Variants in PIWIL3 observed in about 807,000 individuals in gnomAD.
The protein encoded by PIWIL3 is piwi like RNA-mediated gene silencing 3, also known as piwi-like protein 3.
In PIWIL3, 101 loss-of-function variants were observed where a neutral mutation model predicts 109.7. The observed-to-expected ratio is 0.92, with a 90% CI of 0.78 to 1.09. The LOEUF is 1.09. Among genes scored for constraint, PIWIL3 ranks in the 50% least tolerant of loss-of-function variants. The pLI is 0.00. For missense variants in PIWIL3, 1,031 were observed against 1,072.6 expected (o/e 0.96, Z 0.54); for synonymous variants, 373 against 376.4 (o/e 0.99, Z 0.10).
At chr22:24,754,498 T>A (rs1924901445) in intron 7 of PIWIL3, among the ~76,000 whole-genome samples, 2 of 152,250 alleles carry the variant, frequency 1.3e-5, no homozygotes, top group African/African-American at 2.4e-5. Context: ...ATAGTTGCTA[T>A]GATTGAAGAT....
chr22:24,755,849 C>T lies in PIWIL3; in HGVS notation c.627G>A (p.Glu209=), dbSNP rs1421041927. The T allele has an allele frequency of 6.2e-7, 1 of 1,613,936 alleles. No homozygotes were observed. Among genetic ancestry groups the T allele is most frequent in the Non-Finnish European group, 8.5e-7 (1 of 1,179,926 alleles). The change falls in exon 6 of 21, where the codon GAG becomes GAA. Residue 209 remains glutamate, a synonymous_variant. Transcript: ENST00000616349. ...ACGTGGGCGTGAGTTCTTTGGAAAA[C>T]TCAACTGTAATCTTCACGATGTTTT... ...KDKNIVKITV[E]FSKELTPTSP... is the part of the protein sequence containing the mutation.
intron 14 of PIWIL3, among the ~76,000 whole-genome samples, chr22:24,731,081 G>A (rs899338983): frequency 7.9e-5 from 12 of 152,194 alleles, no homozygotes; most frequent in African/African-American, 2.9e-4. Flanking sequence ...GTTTTGCCTA[G>A]GCCTTTCCTG....
At chr22:24,729,924 C>T (rs1234920252) in intron 14 of PIWIL3, among the ~76,000 whole-genome samples, 1 of 146,380 alleles carries the variant, frequency 6.8e-6, no homozygotes, top group Non-Finnish European at 1.5e-5. Flanking sequence ...CTGATGGATT[C>T]TACTTTTTCT....
At chr22:24,770,487 T>C (rs1020386767) in intron 1 of PIWIL3, among the ~76,000 whole-genome samples, 1 of 152,052 alleles carries the variant, frequency 6.6e-6, no homozygotes, top group African/African-American at 2.4e-5. Flanking sequence ...CTTATCTAAT[T>C]ATGTGCCTTT....
chr22:24,754,937 GA>G (rs372090849), intron 6 of PIWIL3, 73 bp from the exon 7 acceptor site: 65 of 1,288,594 alleles, frequency 5.0e-5, no homozygotes, highest in Middle Eastern at 1.9e-4. Context: ...ACACATAAGG[GA>G]AAAAAAATCT....
intron 12 of PIWIL3, among the ~76,000 whole-genome samples, chr22:24,745,035 C>G (rs1294223957): frequency 6.6e-6 from 1 of 152,150 alleles, no homozygotes; most frequent in Non-Finnish European, 1.5e-5. Context: ...CTTCTCTGAT[C>G]ACATGAAACA....
chr22:24,732,361 C>A (rs563830530), intron 14 of PIWIL3, among the ~76,000 whole-genome samples: 17 of 152,282 alleles, frequency 1.1e-4, no homozygotes, highest in African/African-American at 4.1e-4. Context: ...AGATTGTGGA[C>A]ACGCTTCCCC....
At chr22:24,732,154 C>A (rs1601827592) in intron 14 of PIWIL3, among the ~76,000 whole-genome samples, 1 of 152,314 alleles carries the variant, frequency 6.6e-6, no homozygotes, top group East Asian at 1.9e-4. Flanking sequence ...GGCCTGCTAT[C>A]TTTTTATTAC....
At chr22:24,733,915 A>G (rs1923498914) in intron 14 of PIWIL3, among the ~76,000 whole-genome samples, 169 bp downstream of exon 14, 1 of 152,236 alleles carries the variant, frequency 6.6e-6, no homozygotes, top group South Asian at 2.1e-4. Context: ...CGATTGTGAT[A>G]CTCAGGAATA....
intron 12 of PIWIL3, among the ~76,000 whole-genome samples, chr22:24,738,374 T>C (rs1238738407): frequency 1.3e-5 from 2 of 152,270 alleles, no homozygotes; most frequent in African/African-American, 4.8e-5. Context: ...TACCACTTGA[T>C]TGCAGAGCCC....
chr22:24,726,306 G>A (rs1332440118), intron 16 of PIWIL3, among the ~76,000 whole-genome samples: 5 of 148,488 alleles, frequency 3.4e-5, no homozygotes, highest in East Asian at 2.0e-4. Context: ...TTTTTGAAAC[G>A]GAGTCTCGCT....
At chr22:24,733,859 A>C (rs6004252) in intron 14 of PIWIL3, among the ~76,000 whole-genome samples, 6,913 of 152,264 alleles carry the variant, frequency 0.045, 224 homozygotes, top group Middle Eastern at 0.1. Flanking sequence ...AAGTTAGGAG[A>C]TTTTAAAAGT....
intron 1 of PIWIL3, among the ~76,000 whole-genome samples, chr22:24,765,023 A>T (rs1253610883): frequency 1.3e-5 from 2 of 152,308 alleles, no homozygotes; most frequent in East Asian, 1.9e-4. Flanking sequence ...CATAAGGGAG[A>T]GCTGAGCCAG....
chr22:24,773,743 CT>C (rs1926265683), intron 1 of PIWIL3, among the ~76,000 whole-genome samples: 1 of 50,306 alleles, frequency 2.0e-5, no homozygotes, highest in Non-Finnish European at 4.3e-5. Flanking sequence ...GGGAGTCTCA[CT>C]CACTCTGTTG....
In PIWIL3 at chr22:24,762,869, A is replaced by G. The variant is rs979715496; in HGVS notation, c.-22-348T>C. On this transcript the variant is annotated intron_variant, in intron 1 of 20. Coordinates refer to ENST00000616349, the MANE Select transcript of PIWIL3 (RefSeq NM_001255975.1). ...CAAGGCAGGGAATTAACCTATTCAT[A>G]AGGATTCCACCCCCAGGGCCCAAAC... Among the ~76,000 whole-genome samples, 157 of 152,220 alleles carry G rather than the reference A, an allele frequency of 1.0e-3. 1 individual carries two copies. Among genetic ancestry groups the G allele is most frequent in the Admixed American group, 0.01 (156 of 15,286 alleles).
chr22:24,754,906 C>T, intron 6 of PIWIL3, 42 bp from the exon 7 acceptor site: 9 of 1,514,222 alleles, frequency 5.9e-6, no homozygotes, highest in South Asian at 3.4e-5. Context: ...GTACAGGGTA[C>T]ATTATTAAGC....
At chr22:24,771,328 G>A (rs5996755) in intron 1 of PIWIL3, among the ~76,000 whole-genome samples, 66,116 of 151,196 alleles carry the variant, frequency 0.44, 14,692 homozygotes, top group East Asian at 0.59. Flanking sequence ...AAGAAAAAAA[G>A]TTAGCCAGGC....
At chr22:24,761,444 G>T (rs1349308139) in intron 2 of PIWIL3, among the ~76,000 whole-genome samples, 3 of 152,124 alleles carry the variant, frequency 2.0e-5, no homozygotes, top group African/African-American at 7.2e-5. Flanking sequence ...GAGGAGAGCT[G>T]CCCTGTGAAT....
At chr22:24,741,257 G>A (rs1428597915) in intron 12 of PIWIL3, among the ~76,000 whole-genome samples, 1 of 152,206 alleles carries the variant, frequency 6.6e-6, no homozygotes, top group African/African-American at 2.4e-5. Flanking sequence ...GCTCACACCT[G>A]TAATCCCAGC....
Sources: allele counts gnomAD v4.1 joint callset (sites outside exome capture counted in the v4.1 genomes callset), GRCh38; gene constraint gnomAD v4.1.1; transcripts MANE v1.5; gene names NCBI Gene and HGNC (gene_info 2026-07-23, HGNC 2026-07-21).